RANBP17: variants seen among roughly 807,000 people sequenced by gnomAD.
RANBP17 encodes the protein ran-binding protein 17.
In RANBP17, 158 loss-of-function variants were observed where a neutral mutation model predicts 141.2. The ratio of observed to expected loss-of-function variants is 1.12; its 90% CI spans 0.98 to 1.28. The LOEUF (loss-of-function observed/expected upper bound fraction) is 1.28, where lower values mean the gene tolerates loss of function less well. Among genes scored for constraint, RANBP17 ranks in the 50% most tolerant of loss-of-function variants. RANBP17 has a pLI of 0.00. For missense variants in RANBP17, 1,438 were observed against 1,290.7 expected, an observed-to-expected ratio of 1.11 and a Z score of -1.75; for synonymous variants, 430 against 450.0, an observed-to-expected ratio of 0.96 and a Z score of 0.56.
At position 171,093,294 on chromosome 5, in the gene RANBP17, A is replaced by AC. The variant is rs1786447050; in HGVS notation, c.1711-76835dup. ...TCTTGTTTCTTGTGGACTGTAAGCT[A>AC]CTTGAGGTTAAAAGCTCTACTTTAT... On this transcript the variant is annotated intron_variant, in intron 14 of 27. Transcript: ENST00000523189. Among the ~76,000 whole-genome samples, 3 of 152,174 alleles carry AC rather than the reference A, an allele frequency of 2.0e-5. No homozygotes were observed. The South Asian group carries it at 6.2e-4, about 32-fold the overall frequency.
chr5:170,887,063 A>T (rs1554128691), intron 3 of RANBP17, among the ~76,000 whole-genome samples: 1 of 152,150 alleles, frequency 6.6e-6, no homozygotes, highest in Non-Finnish European at 1.5e-5. Flanking sequence ...GTTCAAACTC[A>T]TGTTGTTCAA....
intron 14 of RANBP17, among the ~76,000 whole-genome samples, chr5:171,064,871 A>T (rs1054114614): frequency 2.0e-4 from 29 of 145,658 alleles, no homozygotes; most frequent in Admixed American, 6.9e-5. Context: ...TCCTCAATTT[A>T]AAAAAAAAAA....
At chr5:170,980,910 A>G (rs1777723250) in intron 14 of RANBP17, among the ~76,000 whole-genome samples, 1 of 152,134 alleles carries the variant, frequency 6.6e-6, no homozygotes. Context: ...TGGAAAAGCC[A>G]TCGCCAGCCT....
intron 14 of RANBP17, among the ~76,000 whole-genome samples, chr5:171,079,837 G>A (rs918660503): frequency 6.6e-6 from 1 of 152,180 alleles, no homozygotes; most frequent in Non-Finnish European, 1.5e-5. Flanking sequence ...TTGCTTGATT[G>A]CAGTGGTGTG....
At chr5:171,297,546 G>A (rs1019771580) in intron 27 of RANBP17, among the ~76,000 whole-genome samples, 5 of 152,128 alleles carry the variant, frequency 3.3e-5, no homozygotes, top group African/African-American at 9.7e-5. Flanking sequence ...GTTGGGGTAT[G>A]CAGACATATT....
chr5:171,274,729 A>T (rs1458102468), intron 25 of RANBP17, among the ~76,000 whole-genome samples: 1 of 152,260 alleles, frequency 6.6e-6, no homozygotes, highest in African/African-American at 2.4e-5. Context: ...TGCAAAGTAA[A>T]CCCCCAAAAT....
chr5:171,253,163 A>C (rs1201089702), intron 24 of RANBP17, among the ~76,000 whole-genome samples: 1 of 152,200 alleles, frequency 6.6e-6, no homozygotes, highest in Non-Finnish European at 1.5e-5. Flanking sequence ...CGATCACAGT[A>C]GTTGATTTAT....
Position 171,277,165 on chromosome 5 carries a change from C to G in RANBP17, c.2943+11318C>G, listed in dbSNP as rs184386238. Among the ~76,000 whole-genome samples the G allele has an allele frequency of 5.9e-5, 9 of 151,336 alleles. No individual in the cohort carries two copies. In the East Asian group the frequency reaches 1.8e-3, roughly 29 times the overall value. Reference sequence around the variant, plus strand: ...ATAACACAGATAGCAGCATTTATGTCTATTTCACACATAGAAGTTATTTAG... The same window carrying G: ...ATAACACAGATAGCAGCATTTATGTGTATTTCACACATAGAAGTTATTTAG... On this transcript the variant is annotated intron_variant, in intron 25 of 27. Coordinates refer to ENST00000523189, the MANE Select transcript of RANBP17 (RefSeq NM_022897.5).
At chr5:171,173,160 T>G (rs1214310754) in intron 16 of RANBP17, among the ~76,000 whole-genome samples, 1 of 152,082 alleles carries the variant, frequency 6.6e-6, no homozygotes, top group Admixed American at 6.6e-5. Context: ...ATCTTTGAAT[T>G]CATTTACATA....
chr5:171,213,932 C>T (rs1054731917), intron 21 of RANBP17, among the ~76,000 whole-genome samples, 194 bp downstream of exon 21: 5 of 152,096 alleles, frequency 3.3e-5, no homozygotes, highest in African/African-American at 1.2e-4. Context: ...GTACAGTATA[C>T]TTGGCTGTCT....
rs1764955165 is a variant in RANBP17 at position 171,242,639 on chromosome 5, T to G, written c.2638-43T>G. The G allele has an allele frequency of 2.5e-6, 4 of 1,597,950 alleles. No homozygotes were observed. The South Asian group carries it at 4.6e-5, about 18-fold the overall frequency. On this transcript the variant is annotated intron_variant, in intron 23 of 27. Transcript: ENST00000523189. ...TTTCACTGGACTGTAACATGTATTT[T>G]TCTTCTCTGTGGCTTGACATTTAGT...
chr5:170,886,873 G>A (rs939171226), intron 3 of RANBP17, among the ~76,000 whole-genome samples: 1 of 151,786 alleles, frequency 6.6e-6, no homozygotes, highest in Non-Finnish European at 1.5e-5. Context: ...ATGTTGCTCA[G>A]GCTGGTCTTG....
intron 24 of RANBP17, chr5:171,252,163 A>C: frequency 6.3e-7 from 1 of 1,587,784 alleles, no homozygotes. Context: ...GAGCTTTTTG[A>C]CAACTACATG....
chr5:170,898,158 G>A (rs1436253170), intron 5 of RANBP17, among the ~76,000 whole-genome samples: 1 of 152,138 alleles, frequency 6.6e-6, no homozygotes, highest in Admixed American at 6.5e-5. Context: ...TGTATTAGGT[G>A]CATATATATT....
At chr5:171,271,075 C>CCTTTTTTT (rs1767076411) in intron 25 of RANBP17, 12 of 27,540 alleles carry the variant, frequency 4.4e-4, no homozygotes, top group African/African-American at 8.5e-4. Context: ...TATGTTATTT[C>CCTTTTTTT]TTTTTTTTTT....
At chr5:171,178,159 A>G (rs375226519) in intron 16 of RANBP17, among the ~76,000 whole-genome samples, 30 of 147,390 alleles carry the variant, frequency 2.0e-4, no homozygotes, top group African/African-American at 7.3e-4. Context: ...TCCTAATGCT[A>G]TCCCTCCCCT....
At chr5:170,950,912 G>A (rs567443151) in intron 12 of RANBP17, among the ~76,000 whole-genome samples, 2 of 151,936 alleles carry the variant, frequency 1.3e-5, no homozygotes, top group East Asian at 1.9e-4. Context: ...GAATGAAATC[G>A]TGTCATTTGC....
chr5:171,053,894 TA>T lies in RANBP17; in HGVS notation c.1710+85518del, dbSNP rs1561596415. ...TGTTTAGTTCATATATATATATATA[TA>T]TATATATATATATATATATATATAT... On this transcript the variant is annotated intron_variant, in intron 14 of 27. Transcript: ENST00000523189. 7.8e-5 allele frequency among the ~76,000 whole-genome samples: 10 copies of T among 127,510 alleles called. No homozygotes were observed. In the East Asian group the frequency reaches 1.9e-3, roughly 24 times the overall value. 83.7% of individuals were successfully genotyped at this position (127,510 alleles called of 152,430 possible).
chr5:171,125,258 A>G (rs867318848), intron 14 of RANBP17, among the ~76,000 whole-genome samples: 67 of 142,064 alleles, frequency 4.7e-4, no homozygotes, highest in Admixed American at 2.7e-3. Context: ...GATCACACCA[A>G]TGTGCTCCAG....
Sources: allele counts gnomAD v4.1 joint callset (sites outside exome capture counted in the v4.1 genomes callset), GRCh38; gene constraint gnomAD v4.1.1; transcripts MANE v1.5; gene names NCBI Gene and HGNC (gene_info 2026-07-23, HGNC 2026-07-21).